CERS5: variants seen among roughly 807,000 people sequenced by gnomAD.
CERS5 encodes the protein LAG1 homolog, ceramide synthase 5.
A neutral mutation model predicts 58.9 loss-of-function variants in CERS5; 37 were observed. That is an observed-to-expected ratio of 0.63 (90% CI 0.48 to 0.83). The LOEUF is 0.83. CERS5 is among the 40% of genes least tolerant of loss of function. The probability of loss-of-function intolerance (pLI) is 0.00; values close to 1 mark genes in which losing one functional copy is unlikely to be tolerated. For missense variants in CERS5, 398 were observed against 489.3 expected, an observed-to-expected ratio of 0.81 and a Z score of 1.76; for synonymous variants, 147 against 177.8, an observed-to-expected ratio of 0.83 and a Z score of 1.38.
intron 9 of CERS5, among the ~76,000 whole-genome samples, chr12:50,131,266 C>T (rs1024568663): frequency 3.9e-5 from 6 of 152,244 alleles, no homozygotes; most frequent in Middle Eastern, 6.8e-3. Flanking sequence ...TCTTATGAAA[C>T]TTCAGCATCC....
intron 4 of CERS5, among the ~76,000 whole-genome samples, chr12:50,139,717 C>T (rs538209121): frequency 2.0e-5 from 3 of 152,024 alleles, no homozygotes; most frequent in African/African-American, 7.2e-5. Flanking sequence ...CACTTGAACC[C>T]AGGAGGCAGA....
intron 1 of CERS5, among the ~76,000 whole-genome samples, chr12:50,159,936 G>T (rs1049171964): frequency 6.6e-6 from 1 of 152,110 alleles, no homozygotes; most frequent in Non-Finnish European, 1.5e-5. Context: ...AAGTGAAAAA[G>T]AAACAAGTGA....
At chr12:50,162,418 C>T (rs542937927) in intron 1 of CERS5, among the ~76,000 whole-genome samples, 10 of 152,182 alleles carry the variant, frequency 6.6e-5, no homozygotes, top group African/African-American at 2.4e-4. Context: ...GCCTTAGTAA[C>T]TGTCTGTAAA....
In CERS5 at chr12:50,142,043, T is replaced by C; in HGVS notation, c.492+10A>G. ...AACCCAACAGAGGACTAGAGAAAGT[T>C]AAGACTCACCGACCAGAGAAATCTA... is the stretch of plus-strand genomic sequence containing the variant. On this transcript the variant is annotated intron_variant, in intron 4 of 9. Coordinates refer to ENST00000317551, the MANE Select transcript of CERS5 (RefSeq NM_147190.5). 6.4e-7 allele frequency: 1 copy of C among 1,550,728 alleles called. No individual in the cohort carries two copies. The highest frequency in any genetic ancestry group is 8.9e-7 in the Non-Finnish European group (1 of 1,122,872).
Position 50,153,269 on chromosome 12 carries a change from ATTTTT to A in CERS5, c.198-9217_198-9213del, listed in dbSNP as rs202197775. ...GGTTATAATGAGATAAACTAATATG[ATTTTT>A]TTTTTTTTTTTTTTTTTTTTTTCTG... is the stretch of plus-strand genomic sequence containing the variant. On this transcript the variant is annotated intron_variant, in intron 1 of 9. Transcript: ENST00000317551. Among the ~76,000 whole-genome samples, 683 of 93,364 alleles carry A rather than the reference ATTTTT, an allele frequency of 7.3e-3. 3 individuals are homozygous for A. The highest frequency in any genetic ancestry group is 0.028 in the African/African-American group (651 of 23,368). 61.3% of individuals were successfully genotyped at this position (93,364 alleles called of 152,430 possible).
At chr12:50,150,935 A>G (rs776145015) in intron 1 of CERS5, among the ~76,000 whole-genome samples, 2 of 152,302 alleles carry the variant, frequency 1.3e-5, no homozygotes, top group Non-Finnish European at 2.9e-5. Context: ...GAATCACTCA[A>G]TCTAAACTAA....
At chr12:50,161,072 C>A (rs1043305291) in intron 1 of CERS5, among the ~76,000 whole-genome samples, 1 of 152,156 alleles carries the variant, frequency 6.6e-6, no homozygotes, top group African/African-American at 2.4e-5. Context: ...CAAGAATAGA[C>A]CCTTCTCAAT....
chr12:50,162,257 G>A (rs1939392694), intron 1 of CERS5, among the ~76,000 whole-genome samples: 1 of 141,824 alleles, frequency 7.1e-6, no homozygotes, highest in Non-Finnish European at 1.5e-5. Context: ...TCAAATACTA[G>A]AATACTAGAA....
intron 9 of CERS5, among the ~76,000 whole-genome samples, chr12:50,131,057 A>ATGAC (rs1410387616): frequency 6.6e-6 from 1 of 152,210 alleles, no homozygotes; most frequent in Non-Finnish European, 1.5e-5. Flanking sequence ...AACAATACGT[A>ATGAC]TGACTGTCAG....
At chr12:50,133,041 T>C (rs566812706) in intron 9 of CERS5, 2 of 1,288,906 alleles carry the variant, frequency 1.6e-6, no homozygotes, top group Non-Finnish European at 2.0e-6. Context: ...GAGTACAGGG[T>C]CTAATCCTTC....
chr12:50,136,333 C>T (rs1290327414), intron 6 of CERS5, among the ~76,000 whole-genome samples: 3 of 152,104 alleles, frequency 2.0e-5, no homozygotes, highest in Non-Finnish European at 2.9e-5. Context: ...ATAAGCCGGG[C>T]TTGGTGGCAT....
intron 1 of CERS5, among the ~76,000 whole-genome samples, chr12:50,161,999 CA>C (rs1423471533): frequency 6.7e-6 from 1 of 149,758 alleles, no homozygotes; most frequent in Non-Finnish European, 1.5e-5. Context: ...CTCAGCCTCC[CA>C]AGTAGCTGGG....
chr12:50,156,677 T>A (rs554463213), intron 1 of CERS5, among the ~76,000 whole-genome samples: 1 of 151,934 alleles, frequency 6.6e-6, no homozygotes, highest in African/African-American at 2.4e-5. Flanking sequence ...CTATTTGGGG[T>A]CTTCAATAAT....
At chr12:50,146,563 G>GTT (rs1179053093) in intron 1 of CERS5, among the ~76,000 whole-genome samples, 1 of 152,176 alleles carries the variant, frequency 6.6e-6, no homozygotes, top group African/African-American at 2.4e-5. Flanking sequence ...TATATGGAGC[G>GTT]TAAGAACATT....
At chr12:50,144,674 G>C in intron 1 of CERS5, 1 of 644,272 alleles carries the variant, frequency 1.6e-6, no homozygotes, top group Non-Finnish European at 2.6e-6. Context: ...AAGAAATCAG[G>C]AAGCTAGGAA....
intron 1 of CERS5, chr12:50,144,845 G>A (rs1952170059): frequency 1.4e-6 from 2 of 1,461,136 alleles, no homozygotes; most frequent in Admixed American, 4.6e-5. Flanking sequence ...TTTTTAAAAA[G>A]AATAAAAAAG....
At chr12:50,152,292 T>C (rs1309694408) in intron 1 of CERS5, among the ~76,000 whole-genome samples, 1 of 152,242 alleles carries the variant, frequency 6.6e-6, no homozygotes, top group African/African-American at 2.4e-5. Flanking sequence ...TTAGACCAAA[T>C]CAAGGTAGTG....
At chr12:50,142,930 T>C in intron 3 of CERS5, 144 bp downstream of exon 3, 1 of 878,726 alleles carries the variant, frequency 1.1e-6, no homozygotes, top group Non-Finnish European at 1.7e-6. Flanking sequence ...AGTTCCCTTC[T>C]TTCCTACCTA....
Position 50,167,248 on chromosome 12 carries a change from C to T in CERS5, c.50G>A (p.Trp17Ter), listed in dbSNP as rs375988921. 2.8e-5 allele frequency: 45 copies of T among 1,595,768 alleles called. No individual in the cohort carries two copies. Among genetic ancestry groups the T allele is most frequent in the Non-Finnish European group, 3.7e-5 (44 of 1,174,328 alleles). The change falls in exon 1 of 10, where the codon TGG becomes TAG. Residue 17 changes from tryptophan to a stop codon, truncating the protein, a stop_gained. Coordinates refer to ENST00000317551, the MANE Select transcript of CERS5 (RefSeq NM_147190.5). LOFTEE classifies it high-confidence loss of function. Reference protein sequence around the residue: ...GPLSLLWGWLWSERFWLPENV... With the variant: ...GPLSLLWGWL Reference sequence around the variant, plus strand: ...CTCGGGTAGCCAGAAGCGCTCGCTCCACAGCCAGCCCCACAGCAAGCTTAG... The same window carrying T: ...CTCGGGTAGCCAGAAGCGCTCGCTCTACAGCCAGCCCCACAGCAAGCTTAG...
Sources: allele counts gnomAD v4.1 joint callset (sites outside exome capture counted in the v4.1 genomes callset), GRCh38; gene constraint gnomAD v4.1.1; transcripts MANE v1.5; gene names NCBI Gene and HGNC (gene_info 2026-07-23, HGNC 2026-07-21).